The following PTPRD variants were observed in gnomAD, a reference collection of about 807,000 sequenced individuals.
PTPRD encodes receptor-type tyrosine-protein phosphatase delta.
A neutral mutation model predicts 214.5 loss-of-function variants in PTPRD; 34 were observed. That is an observed-to-expected ratio of 0.16 (90% CI 0.12 to 0.21). The LOEUF (loss-of-function observed/expected upper bound fraction) is 0.21, where lower values mean the gene tolerates loss of function less well. Ranked by LOEUF, PTPRD falls within the 10% of genes least tolerant of loss-of-function variation. The pLI is 1.00. For synonymous variants in PTPRD, 1,128 were observed against 845.7 expected (o/e 1.33, Z -5.79); for missense variants, 2,545 against 2,398.7 (o/e 1.06, Z -1.27).
intron 9 of PTPRD, among the ~76,000 whole-genome samples, chr9:9,189,365 T>C (rs1307458415): frequency 6.6e-6 from 1 of 152,096 alleles, no homozygotes; most frequent in Non-Finnish European, 1.5e-5. Context: ...ACTGCAGATA[T>C]AGAAGAATCT....
chr9:10,060,113 T>C (rs1425224392), intron 3 of PTPRD, among the ~76,000 whole-genome samples: 2 of 152,062 alleles, frequency 1.3e-5, no homozygotes, highest in Non-Finnish European at 2.9e-5. Flanking sequence ...GCATAATGTG[T>C]TTGCTAAAAT....
Position 9,226,277 on chromosome 9 carries a change from G to T in PTPRD, c.-202-42914C>A, listed in dbSNP as rs562399250. 2.0e-3 allele frequency among the ~76,000 whole-genome samples: 303 copies of T among 151,912 alleles called. 2 individuals carry two copies. Among genetic ancestry groups the T allele is most frequent in the African/African-American group, 6.7e-3 (279 of 41,470 alleles). On this transcript the variant is annotated intron_variant, in intron 9 of 45. Coordinates refer to ENST00000381196, the MANE Select transcript of PTPRD (RefSeq NM_002839.4). The stretch of plus-strand genomic sequence containing the variant: ...GCAAAGGGCAAGACTGGTGGGACAT[G>T]CTTGCTGGCCTCAGATCAAAGCTAT...
chr9:10,065,283 G>A (rs1233089109), intron 3 of PTPRD, among the ~76,000 whole-genome samples: 5 of 151,872 alleles, frequency 3.3e-5, no homozygotes, highest in South Asian at 4.1e-4. Flanking sequence ...GGTAGTTGGC[G>A]CAGAGTTGCA....
At chr9:9,182,737 T>C (rs2099928952) in intron 10 of PTPRD, among the ~76,000 whole-genome samples, 2 of 152,010 alleles carry the variant, frequency 1.3e-5, no homozygotes, top group Non-Finnish European at 2.9e-5. Context: ...AGCAAAAATT[T>C]TGTCACAAAG....
intron 7 of PTPRD, among the ~76,000 whole-genome samples, chr9:9,674,510 G>C (rs913917594): frequency 4.0e-5 from 6 of 151,714 alleles, no homozygotes; most frequent in African/African-American, 1.2e-4. Flanking sequence ...TAAACCAGCT[G>C]AAAGACAAGA....
intron 3 of PTPRD, among the ~76,000 whole-genome samples, chr9:10,157,141 G>C (rs926824004): frequency 2.6e-5 from 4 of 152,128 alleles, no homozygotes; most frequent in African/African-American, 9.7e-5. Context: ...TTCAAGTTTA[G>C]TATTGATACA....
chr9:9,221,559 G>A (rs563862209), intron 9 of PTPRD, among the ~76,000 whole-genome samples: 3 of 151,982 alleles, frequency 2.0e-5, no homozygotes, highest in Non-Finnish European at 4.4e-5. Context: ...CTCGCAGACA[G>A]TATCCTCTCC....
intron 9 of PTPRD, among the ~76,000 whole-genome samples, chr9:9,192,783 A>G (rs2099936042): frequency 6.6e-6 from 1 of 152,100 alleles, no homozygotes; most frequent in African/African-American, 2.4e-5. Context: ...GGAGGAGGGA[A>G]GAAGGGAAAG....
intron 4 of PTPRD, among the ~76,000 whole-genome samples, chr9:10,000,931 C>T (rs10978156): frequency 0.1 from 15,275 of 152,134 alleles, 914 homozygotes; most frequent in African/African-American, 0.14. Flanking sequence ...GAAATACACA[C>T]CTGGTCAAAC....
intron 9 of PTPRD, among the ~76,000 whole-genome samples, chr9:9,352,701 T>A (rs2051902082): frequency 1.3e-5 from 2 of 151,982 alleles, no homozygotes; most frequent in Non-Finnish European, 2.9e-5. Flanking sequence ...TAATGATAAC[T>A]ATGAATTATG....
At chr9:8,422,505 C>T (rs932089682) in intron 35 of PTPRD, among the ~76,000 whole-genome samples, 46 of 152,160 alleles carry the variant, frequency 3.0e-4, no homozygotes, top group African/African-American at 1.1e-3. Flanking sequence ...CTTGCAGAGA[C>T]TTCAGCCACG....
In PTPRD at chr9:8,577,015, C is replaced by G. The variant is rs868233250; in HGVS notation, c.353-48236G>C. On this transcript the variant is annotated intron_variant, in intron 14 of 45. Transcript: ENST00000381196. ...AATCCATTCTCCTTCCACAATGCAG[C>G]TAGAGCCAAGCTTCAAAACAGCAAA... Among the ~76,000 whole-genome samples the G allele has an allele frequency of 3.3e-5, 5 of 152,256 alleles. No homozygotes were observed. In the Middle Eastern group the frequency reaches 0.01, roughly 311 times the overall value.
intron 39 of PTPRD, among the ~76,000 whole-genome samples, chr9:8,355,966 T>C (rs1418992869): frequency 6.6e-6 from 1 of 152,212 alleles, no homozygotes; most frequent in African/African-American, 2.4e-5. Flanking sequence ...ATAATGTACA[T>C]ATGTGTGTGT....
rs1012268581 is a variant in PTPRD at position 8,331,058 on chromosome 9, A to T, written c.5534+524T>A. On this transcript the variant is annotated intron_variant, in intron 44 of 45. Transcript: ENST00000381196. Reference sequence around the variant, plus strand: ...TTATAAAATGCTCTAGAAACTATTGAAAATAATTAACTTGAAGGTGCTTCA... The same window carrying T: ...TTATAAAATGCTCTAGAAACTATTGTAAATAATTAACTTGAAGGTGCTTCA... Among the ~76,000 whole-genome samples, 4 of 146,830 alleles carry T rather than the reference A, an allele frequency of 2.7e-5. No individual in the cohort carries two copies. The Admixed American group carries it at 2.8e-4, about 10-fold the overall frequency.
chr9:10,569,993 T>A (rs1324836050), intron 2 of PTPRD, among the ~76,000 whole-genome samples: 2 of 152,142 alleles, frequency 1.3e-5, no homozygotes, highest in Non-Finnish European at 2.9e-5. Context: ...AACCTTAACC[T>A]ATTACTTATA....
intron 7 of PTPRD, among the ~76,000 whole-genome samples, chr9:9,576,112 G>C (rs1248839195): frequency 1.3e-5 from 2 of 152,016 alleles, no homozygotes. Flanking sequence ...TTAATTGTTG[G>C]TACTGTTTTG....
rs931374492 is a variant in PTPRD at position 9,919,058 on chromosome 9, A to G, written c.-368+19449T>C. Among the ~76,000 whole-genome samples, 4 of 152,278 alleles carry G rather than the reference A, an allele frequency of 2.6e-5. 1 individual carries two copies. In the South Asian group the frequency reaches 8.3e-4, roughly 32 times the overall value. ...AACATCTGGCAGCCTTTTATTTGCT[A>G]ATGTTAAACAACTAAAAATAGCTTT... On this transcript the variant is annotated intron_variant, in intron 5 of 45. Transcript: ENST00000381196.
intron 8 of PTPRD, among the ~76,000 whole-genome samples, chr9:9,419,525 A>G (rs1220326924): frequency 1.3e-5 from 2 of 151,846 alleles, no homozygotes; most frequent in Admixed American, 6.6e-5. Flanking sequence ...TGGGAAACCT[A>G]TAATTCTGCT....
chr9:8,344,846 T>C (rs1355559374), intron 39 of PTPRD, among the ~76,000 whole-genome samples: 1 of 151,970 alleles, frequency 6.6e-6, no homozygotes, highest in Non-Finnish European at 1.5e-5. Context: ...CTTATTAACG[T>C]TAATTTTCTA....
Sources: allele counts gnomAD v4.1 joint callset (sites outside exome capture counted in the v4.1 genomes callset), GRCh38; gene constraint gnomAD v4.1.1; transcripts MANE v1.5; gene names NCBI Gene and HGNC (gene_info 2026-07-23, HGNC 2026-07-21).